The following RIPK2 variants were observed in gnomAD, a reference collection of about 807,000 sequenced individuals.
RIPK2 encodes receptor-interacting serine/threonine-protein kinase 2.
A neutral mutation model predicts 60.9 loss-of-function variants in RIPK2; 38 were observed. The ratio of observed to expected loss-of-function variants is 0.62; its 90% CI spans 0.48 to 0.82. RIPK2 has a LOEUF of 0.82. RIPK2 is among the 40% of genes least tolerant of loss of function. The pLI, the probability that RIPK2 is intolerant of heterozygous loss-of-function variation, is 0.00. For missense variants in RIPK2, 518 were observed against 647.0 expected (o/e 0.80, Z 2.16); for synonymous variants, 225 against 223.4 (o/e 1.01, Z -0.06).
At chr8:89,761,418 C>T (rs1444510608) in intron 1 of RIPK2, among the ~76,000 whole-genome samples, 4 of 151,990 alleles carry the variant, frequency 2.6e-5, no homozygotes, top group Non-Finnish European at 5.9e-5. Flanking sequence ...ACAACGCGGG[C>T]ATTCTATTCA....
At chr8:89,782,379 G>GA (rs1389630989) in intron 7 of RIPK2, among the ~76,000 whole-genome samples, 1 of 152,210 alleles carries the variant, frequency 6.6e-6, no homozygotes, top group Non-Finnish European at 1.5e-5. Flanking sequence ...AAGGGTAATG[G>GA]AAACTGCGGA....
In RIPK2 at chr8:89,790,668, C is replaced by A. The variant is rs1284496110; in HGVS notation, c.*252C>A. On this transcript the variant is annotated 3_prime_UTR_variant, in exon 11 of 11. Transcript: ENST00000220751. ...CCACTTTTAAAGGATAGTAATTATT[C>A]TTGTTTATAACAGTGCCTTAAGGTA... is the stretch of plus-strand genomic sequence containing the variant. 8.5e-6 allele frequency: 3 copies of A among 352,032 alleles called. No individual in the cohort carries two copies. Among genetic ancestry groups the A allele is most frequent in the African/African-American group, 6.3e-5 (3 of 47,518 alleles). The allele number at this position is 352,032 out of a possible 1,614,324, so 21.8% of individuals were successfully genotyped here.
Position 89,772,670 on chromosome 8 carries a change from T to A in RIPK2, c.695T>A (p.Val232Asp). 1 of 1,594,580 alleles carries A rather than the reference T, an allele frequency of 6.3e-7. No individual in the cohort carries two copies. The highest frequency in any genetic ancestry group is 8.5e-7 in the Non-Finnish European group (1 of 1,170,228). ...TGCAATCTATTTGTTTTGACAGATG[T>A]CACCAATCCTTTGCAGATAATGTAT... Reference protein sequence around the residue: ...VLSRKQPFEDVTNPLQIMYSV... With the variant: ...VLSRKQPFEDDTNPLQIMYSV... Residue 232 changes from valine (V) to aspartate (D), a missense_variant, in exon 6 of 11, where the codon GTC (valine) becomes GAC (aspartate). Val to Asp is a radical substitution (Grantham distance 152). Around this residue, in one of 3 missense-constraint regions of RIPK2, gnomAD observed 448 missense variants for 534.7 expected, o/e 0.84. Transcript: ENST00000220751.
At chr8:89,761,414 C>A (rs568317794) in intron 1 of RIPK2, among the ~76,000 whole-genome samples, 25 of 152,012 alleles carry the variant, frequency 1.6e-4, no homozygotes, top group Non-Finnish European at 2.4e-4. Context: ...CACTACAACG[C>A]GGGCATTCTA....
At chr8:89,780,363 A>G (rs763088781) in intron 7 of RIPK2, 2 of 319,850 alleles carry the variant, frequency 6.3e-6, no homozygotes, top group South Asian at 9.3e-5. Context: ...TCAAATGGCC[A>G]CCTTCAGATT....
chr8:89,757,834 G>A lies in RIPK2; in HGVS notation c.-227G>A, dbSNP rs1157175594. The A allele has an allele frequency of 1.6e-6, 2 of 1,285,920 alleles. No homozygotes were observed. Among genetic ancestry groups the A allele is most frequent in the African/African-American group, 1.5e-5 (1 of 64,582 alleles). The allele number at this position is 1,285,920 out of a possible 1,614,324, so 79.7% of individuals were successfully genotyped here. A position where few individuals can be genotyped will look rare whatever the true frequency, so the allele number is the denominator to read the frequency against. ...GGAAGCTCTTTCGCGGCGCTACGGC[G>A]TTGGCACCAGTCTCTAGAAAAGAAG... On this transcript the variant is annotated 5_prime_UTR_variant, in exon 1 of 11. Coordinates refer to ENST00000220751, the MANE Select transcript of RIPK2 (RefSeq NM_003821.6).
chr8:89,781,668 C>T (rs1461872977), intron 7 of RIPK2, among the ~76,000 whole-genome samples: 1 of 152,096 alleles, frequency 6.6e-6, no homozygotes, highest in Non-Finnish European at 1.5e-5. Flanking sequence ...GTACAGTAGT[C>T]TTCCCTTATG....
chr8:89,787,572 A>G (rs1045534914), intron 9 of RIPK2, among the ~76,000 whole-genome samples: 1 of 152,232 alleles, frequency 6.6e-6, no homozygotes, highest in Non-Finnish European at 1.5e-5. Context: ...GAAGCAAGAA[A>G]ATACAGAGAA....
chr8:89,765,914 G>A (rs1462576332), intron 3 of RIPK2, among the ~76,000 whole-genome samples: 2 of 151,744 alleles, frequency 1.3e-5, no homozygotes, highest in Non-Finnish European at 2.9e-5. Context: ...TTAGTACAAT[G>A]TGTGTTCATA....
chr8:89,766,618 A>G (rs1809233181), intron 3 of RIPK2, among the ~76,000 whole-genome samples: 1 of 151,440 alleles, frequency 6.6e-6, no homozygotes, highest in Admixed American at 6.6e-5. Context: ...TCCTTTTAAC[A>G]GGGACTTTCA....
intron 7 of RIPK2, 155 bp downstream of exon 7, chr8:89,780,315 C>G (rs1809477337): frequency 2.5e-6 from 1 of 407,772 alleles, no homozygotes; most frequent in African/African-American, 2.1e-5. Flanking sequence ...ACTATGAATA[C>G]TACTTTTCCT....
At chr8:89,789,051 T>C (rs1809631837) in intron 9 of RIPK2, among the ~76,000 whole-genome samples, 1 of 152,156 alleles carries the variant, frequency 6.6e-6, no homozygotes, top group Non-Finnish European at 1.5e-5. Context: ...AGGAAAAATA[T>C]GGGACTATGT....
chr8:89,758,206 T>G lies in RIPK2; in HGVS notation c.146T>G (p.Leu49Arg). The change falls in exon 1 of 11, where the codon CTG (leucine) becomes CGG (arginine). Residue 49 changes from leucine to arginine, a missense_variant. Physicochemically the swap from Leu to Arg is moderately radical, Grantham distance 102 (BLOSUM62 -2). Transcript: ENST00000220751. ...DWRVQVAVKH[L>R]HIHTPLLDSE... ...CGCGTCCAGGTGGCCGTGAAGCACC[T>G]GCACATCCACACTCCGCTGCTCGAC... is the stretch of plus-strand genomic sequence containing the variant. The G allele has an allele frequency of 2.5e-6, 4 of 1,609,650 alleles. No homozygotes were observed. The highest frequency in any genetic ancestry group is 3.4e-6 in the Non-Finnish European group (4 of 1,178,826).
rs756430579 is a variant in RIPK2, at chr8:89,790,176, T to C, written c.1383T>C (p.Asp461=). The stretch of plus-strand genomic sequence containing the variant: ...AAGCCTGCCTTAACCAGTCGCTAGA[T>C]GCCCTTCTGTCCAGGGACTTGATCA... The part of the protein sequence containing the change: ...MTEACLNQSL[D]ALLSRDLIMK... The change falls in exon 11 of 11, where the codon GAT becomes GAC. Residue 461 remains aspartate, a synonymous_variant. Transcript: ENST00000220751. 17 of 1,613,948 alleles carry C rather than the reference T, an allele frequency of 1.1e-5. No homozygotes were observed. The highest frequency in any genetic ancestry group is 1.4e-5 in the Non-Finnish European group (16 of 1,179,936).
chr8:89,768,251 A>G (rs775887372), intron 3 of RIPK2, among the ~76,000 whole-genome samples: 38 of 151,684 alleles, frequency 2.5e-4, no homozygotes, highest in South Asian at 8.3e-4. Context: ...CTTTCTAGAT[A>G]TGATCAAATT....
rs938686188 is a variant in RIPK2 at position 89,757,891 on chromosome 8, G to C, written c.-170G>C. Reference sequence around the variant, plus strand: ...CTGGTTCGGAGAAGCAGCGGCTGGCGTGGGCCATCCGGGGAATGGGCGCCC... The same window carrying C: ...CTGGTTCGGAGAAGCAGCGGCTGGCCTGGGCCATCCGGGGAATGGGCGCCC... On this transcript the variant is annotated 5_prime_UTR_variant, in exon 1 of 11. Transcript: ENST00000220751. 8.7e-6 allele frequency: 12 copies of C among 1,380,994 alleles called. No homozygotes were observed. Among genetic ancestry groups the C allele is most frequent in the Non-Finnish European group, 1.1e-5 (12 of 1,069,682 alleles). 85.5% of individuals were successfully genotyped at this position (1,380,994 alleles called of 1,614,324 possible).
chr8:89,773,725 G>C (rs1351241910), intron 6 of RIPK2, among the ~76,000 whole-genome samples: 1 of 152,142 alleles, frequency 6.6e-6, no homozygotes, highest in African/African-American at 2.4e-5. Flanking sequence ...GAAGACAGAA[G>C]AGTTACAGAA....
In RIPK2 at chr8:89,781,354, A is replaced by ATTTTTTTTTTTTC. The variant is rs1554598656; in HGVS notation, c.939+1206_939+1207insCTTTTTTTTTTTT. 6.0e-3 allele frequency among the ~76,000 whole-genome samples: 869 copies of ATTTTTTTTTTTTC among 143,836 alleles called. 15 individuals are homozygous for ATTTTTTTTTTTTC. Among genetic ancestry groups the ATTTTTTTTTTTTC allele is most frequent in the East Asian group, 0.047 (227 of 4,798 alleles). The allele number at this position is 143,836 out of a possible 152,430, so 94.4% of individuals were successfully genotyped here. On this transcript the variant is annotated intron_variant, in intron 7 of 10. Coordinates refer to ENST00000220751, the MANE Select transcript of RIPK2 (RefSeq NM_003821.6). Reference sequence around the variant, plus strand: ...ATTTCTCTCTTCCTTAATAGATTGAATTTTTTTTTTTTTTTTTTTTTTAGT... The same window carrying ATTTTTTTTTTTTC: ...ATTTCTCTCTTCCTTAATAGATTGAATTTTTTTTTTTTCTTTTTTTTTTTTTTTTTTTTTTAGT...
intron 6 of RIPK2, among the ~76,000 whole-genome samples, chr8:89,775,783 A>G (rs908708503): frequency 6.6e-6 from 1 of 152,324 alleles, no homozygotes; most frequent in Admixed American, 6.5e-5. Context: ...TCAGTGTAGT[A>G]TGAGAGCAGA....
Sources: gnomAD v4.1 joint callset for allele counts (sites outside exome capture counted in the v4.1 genomes callset) on GRCh38, gnomAD v4.1.1 for gene constraint, gnomAD v4.1.1 regional missense constraint, MANE v1.5 for transcripts, NCBI Gene and HGNC (gene_info 2026-07-23, HGNC 2026-07-21) for gene names.